FRMD3: variants seen among roughly 807,000 people sequenced by gnomAD.
The protein encoded by FRMD3 is FERM domain-containing protein 3.
A neutral mutation model predicts 70.2 loss-of-function variants in FRMD3; 33 were observed. That is an observed-to-expected ratio of 0.47 (90% CI 0.36 to 0.63). The LOEUF (loss-of-function observed/expected upper bound fraction) is 0.63. FRMD3 is among the 20% of genes least tolerant of loss of function. The pLI is 0.00. For synonymous variants in FRMD3, 279 were observed against 255.9 expected, an observed-to-expected ratio of 1.09 and a Z score of -0.86; for missense variants, 632 against 711.4, an observed-to-expected ratio of 0.89 and a Z score of 1.27.
At chr9:83,326,803 T>G (rs1002633390) in intron 6 of FRMD3, among the ~76,000 whole-genome samples, 3 of 152,326 alleles carry the variant, frequency 2.0e-5, no homozygotes, top group African/African-American at 7.2e-5. Context: ...AGACCAGTGA[T>G]TAGTTGACTT....
intron 1 of FRMD3, among the ~76,000 whole-genome samples, chr9:83,406,228 C>T (rs1826099779): frequency 6.6e-6 from 1 of 152,160 alleles, no homozygotes; most frequent in Admixed American, 6.5e-5. Flanking sequence ...CCCCTCCCTC[C>T]GTCCACCCAC....
At chr9:83,388,681 C>T (rs543216438) in intron 2 of FRMD3, among the ~76,000 whole-genome samples, 49 of 152,312 alleles carry the variant, frequency 3.2e-4, no homozygotes, top group African/African-American at 1.1e-3. Context: ...GGGTAGGTGT[C>T]TCCAGGAGCA....
intron 3 of FRMD3, among the ~76,000 whole-genome samples, chr9:83,356,006 C>T (rs1345421853): frequency 6.6e-6 from 1 of 152,140 alleles, no homozygotes; most frequent in East Asian, 1.9e-4. Context: ...TTTGTGTCAG[C>T]AAATCCCAGG....
rs867678882 is a variant in FRMD3 at position 83,463,904 on chromosome 9, C to A, written c.147+74181G>T. ...GAGAACATGTCATCTGACATGTAGACACCTCTTCCTGGTCACTACATCTCA... is the reference window on the plus strand; with the variant it reads ...GAGAACATGTCATCTGACATGTAGAAACCTCTTCCTGGTCACTACATCTCA... On this transcript the variant is annotated intron_variant, in intron 1 of 13. Coordinates refer to ENST00000304195, the MANE Select transcript of FRMD3 (RefSeq NM_174938.6). 6.6e-4 allele frequency among the ~76,000 whole-genome samples: 100 copies of A among 152,220 alleles called. 2 individuals carry two copies. Among genetic ancestry groups the A allele is most frequent in the Admixed American group, 2.7e-3 (41 of 15,286 alleles).
Position 83,290,597 on chromosome 9 carries a change from A to T in FRMD3, c.1195+6T>A, listed in dbSNP as rs1834377806. 1 of 1,613,886 alleles carries T rather than the reference A, an allele frequency of 6.2e-7. No individual in the cohort carries two copies. Among genetic ancestry groups the T allele is most frequent in the South Asian group, 1.1e-5 (1 of 91,076 alleles). ...ACCAGCATTTGGGATGAAGAGACAG[A>T]CTTACCCTCACCCAGAGGAAGTTCT... is the stretch of plus-strand genomic sequence containing the variant. On this transcript the variant is annotated splice_donor_region_variant and intron_variant, in intron 13 of 13. Coordinates refer to ENST00000304195, the MANE Select transcript of FRMD3 (RefSeq NM_174938.6).
chr9:83,290,025 T>C (rs951278065), intron 13 of FRMD3, among the ~76,000 whole-genome samples: 1 of 152,036 alleles, frequency 6.6e-6, no homozygotes, highest in Non-Finnish European at 1.5e-5. Flanking sequence ...TGTTGGACAA[T>C]GTAAATGAAG....
chr9:83,423,511 G>C (rs2131363180), intron 1 of FRMD3, among the ~76,000 whole-genome samples: 1 of 149,950 alleles, frequency 6.7e-6, no homozygotes, highest in East Asian at 2.0e-4. Flanking sequence ...GCCCCAATTT[G>C]GTAGCCACGA....
At chr9:83,438,563 C>T (rs760561189) in intron 1 of FRMD3, among the ~76,000 whole-genome samples, 1 of 152,110 alleles carries the variant, frequency 6.6e-6, no homozygotes, top group Non-Finnish European at 1.5e-5. Context: ...CCATGCCCAG[C>T]TAATTTTTGT....
rs534745537 is a variant in FRMD3, at chr9:83,278,348, A to G, written c.1195+12255T>C. ...AGATCTGAGCTCCACTTACCAAAAT[A>G]ATCCCCTGGCTACTGTATGGAAAAT... On this transcript the variant is annotated intron_variant, in intron 13 of 13. Coordinates refer to ENST00000304195, the MANE Select transcript of FRMD3 (RefSeq NM_174938.6). Among the ~76,000 whole-genome samples, 69 of 152,204 alleles carry G rather than the reference A, an allele frequency of 4.5e-4. No individual in the cohort carries two copies. In the Middle Eastern group the frequency reaches 0.01, roughly 23 times the overall value.
chr9:83,476,923 G>T (rs1199597418), intron 1 of FRMD3, among the ~76,000 whole-genome samples: 1 of 152,164 alleles, frequency 6.6e-6, no homozygotes, highest in African/African-American at 2.4e-5. Flanking sequence ...TTTTCTCCTA[G>T]ATTTTATGAT....
At chr9:83,451,566 C>T (rs1344170670) in intron 1 of FRMD3, among the ~76,000 whole-genome samples, 2 of 152,184 alleles carry the variant, frequency 1.3e-5, no homozygotes, top group Non-Finnish European at 1.5e-5. Context: ...GACAGGGATG[C>T]TGGCATGAAT....
the FRMD3 span, among the ~76,000 whole-genome samples, chr9:83,547,629 T>C: frequency 2.0e-5 from 3 of 152,136 alleles, no homozygotes; most frequent in Non-Finnish European, 4.4e-5. Flanking sequence ...AGACAGATTA[T>C]TGAGGCAGAA....
At chr9:83,420,771 G>A (rs1242188003) in intron 1 of FRMD3, among the ~76,000 whole-genome samples, 1 of 151,868 alleles carries the variant, frequency 6.6e-6, no homozygotes, top group Non-Finnish European at 1.5e-5. Flanking sequence ...AAAAGAGCCC[G>A]GCACCTCCTT....
rs180923849 is a variant in FRMD3 at position 83,323,880 on chromosome 9, C to T, written c.597-10133G>A. Among the ~76,000 whole-genome samples the T allele has an allele frequency of 9.8e-5, 15 of 152,300 alleles. No homozygotes were observed. The East Asian group carries it at 2.3e-3, about 24-fold the overall frequency. On this transcript the variant is annotated intron_variant, in intron 6 of 13. Coordinates refer to ENST00000304195, the MANE Select transcript of FRMD3 (RefSeq NM_174938.6). ...TTGGTGTGAACATAAGGTAGAGCAA[C>T]CTAACTGCCATTTCCTAGAAAAGTT...
chr9:83,367,495 G>A (rs1366491166), intron 3 of FRMD3, among the ~76,000 whole-genome samples: 2 of 152,164 alleles, frequency 1.3e-5, no homozygotes, highest in Admixed American at 1.3e-4. Flanking sequence ...AAAAGAAGAT[G>A]AGAATGCAAA....
At chr9:83,539,853 C>G (rs1829977954), upstream of FRMD3, among the ~76,000 whole-genome samples, 1 of 152,154 alleles carries the variant, frequency 6.6e-6, no homozygotes, top group Non-Finnish European at 1.5e-5. Flanking sequence ...CACTCAATAG[C>G]TGACTATTGC....
chr9:83,330,292 A>C (rs1836204959), intron 6 of FRMD3, among the ~76,000 whole-genome samples: 1 of 149,742 alleles, frequency 6.7e-6, no homozygotes, highest in Non-Finnish European at 1.5e-5. Context: ...TGAACCCAGG[A>C]GGTGGAGGTT....
intron 1 of FRMD3, among the ~76,000 whole-genome samples, chr9:83,420,325 G>A (rs1408880372): frequency 1.3e-5 from 2 of 152,194 alleles, no homozygotes; most frequent in Non-Finnish European, 2.9e-5. Flanking sequence ...CTTCAGGGAC[G>A]TGGGTGTCAG....
At chr9:83,405,700 T>C (rs1474593578) in intron 1 of FRMD3, among the ~76,000 whole-genome samples, 1 of 151,130 alleles carries the variant, frequency 6.6e-6, no homozygotes, top group African/African-American at 2.4e-5. Context: ...AACCCGATCT[T>C]GTGGTGAGCC....
Sources: allele counts gnomAD v4.1 joint callset (sites outside exome capture counted in the v4.1 genomes callset), GRCh38; gene constraint gnomAD v4.1.1; transcripts MANE v1.5; gene names NCBI Gene and HGNC (gene_info 2026-07-23, HGNC 2026-07-21).